Variants in ADGRG2 observed in about 807,000 individuals in gnomAD.
The protein encoded by ADGRG2 is adhesion G protein-coupled receptor G2, also known as G protein-coupled receptor 64.
ADGRG2 carries 26 observed loss-of-function variants against 74.1 expected under a neutral mutation model. The ratio of observed to expected loss-of-function variants is 0.35; its 90% CI spans 0.26 to 0.49. The LOEUF (loss-of-function observed/expected upper bound fraction) is 0.49. ADGRG2 is among the 20% of genes least tolerant of loss of function. The probability of loss-of-function intolerance (pLI) is 0.99; values close to 1 mark genes in which losing one functional copy is unlikely to be tolerated. For missense variants in ADGRG2, 619 were observed against 763.1 expected (o/e 0.81, Z 2.22); for synonymous variants, 296 against 295.2 (o/e 1.00, Z -0.03).
At chrX:19,114,218 T>C (rs1466979001) in intron 1 of ADGRG2, among the ~76,000 whole-genome samples, 1 of 110,259 alleles carries the variant, frequency 9.1e-6, no homozygotes, top group Non-Finnish European at 1.9e-5. Context: ...GAACACTTTA[T>C]TTGCACAAAT....
chrX:19,092,229 G>A (rs147134646), intron 1 of ADGRG2, among the ~76,000 whole-genome samples: 3,059 of 111,997 alleles, frequency 0.027, 102 homozygotes, highest in African/African-American at 0.093. Context: ...ATGCTTTCTC[G>A]AAATGCTTTT....
chrX:19,059,634 T>C (rs1182291924), intron 3 of ADGRG2, among the ~76,000 whole-genome samples: 1 of 108,004 alleles, frequency 9.3e-6, no homozygotes, highest in Non-Finnish European at 1.9e-5. Flanking sequence ...TATGTAGTAG[T>C]ACTAAAGAAT....
intron 9 of ADGRG2, among the ~76,000 whole-genome samples, chrX:19,028,911 C>A (rs1331084578): frequency 8.9e-6 from 1 of 111,936 alleles, no homozygotes; most frequent in African/African-American, 3.2e-5. Context: ...ATGATCTATG[C>A]TGTAACTACC....
In ADGRG2 at chrX:19,006,039, C is replaced by T; in HGVS notation, c.1802G>A (p.Cys601Tyr). Residue 601 changes from cysteine to tyrosine, a missense_variant, in exon 22 of 29, where the codon TGT (cysteine) becomes TAT (tyrosine). By Grantham distance (194) the Cys-to-Tyr change is radical. Around this residue, in one of 3 missense-constraint regions of ADGRG2, gnomAD observed 221 missense variants for 340.6 expected, o/e 0.65. Transcript: ENST00000379869. ...GAAGCTTGTTAGATGGCTACAGGTA[C>T]AGATGGTTTCATTCAATCTCCTGTC... Reference protein sequence around the residue: ...VKDRRLNETICTCSHLTSFGV... With the variant: ...VKDRRLNETIYTCSHLTSFGV... 8.3e-7 allele frequency: 1 copy of T among 1,207,550 alleles called. No individual in the cohort carries two copies. The highest frequency in any genetic ancestry group is 1.1e-6 in the Non-Finnish European group (1 of 891,888).
intron 6 of ADGRG2, 39 bp downstream of exon 6, chrX:19,037,428 A>C: frequency 1.1e-5 from 11 of 973,872 alleles, no homozygotes; most frequent in Non-Finnish European, 1.6e-5. Flanking sequence ...ATTCATATTA[A>C]GGGTTATCAA....
intron 3 of ADGRG2, among the ~76,000 whole-genome samples, chrX:19,063,772 G>T (rs1286207299): frequency 8.9e-6 from 1 of 112,022 alleles, no homozygotes; most frequent in African/African-American, 3.2e-5. Flanking sequence ...GCACTGGGGA[G>T]GGGGATTTAA....
chrX:19,091,849 G>A (rs764635971), intron 1 of ADGRG2, among the ~76,000 whole-genome samples: 11 of 112,490 alleles, frequency 9.8e-5, no homozygotes, highest in South Asian at 3.6e-4. Context: ...CTCTACCAAC[G>A]AGGAAGTAAT....
At position 19,018,318 on chromosome X, in the gene ADGRG2, A is replaced by G. The variant is rs1358688791; in HGVS notation, c.710+1281T>C. On this transcript the variant is annotated intron_variant, in intron 15 of 28. Coordinates refer to ENST00000379869, the MANE Select transcript of ADGRG2 (RefSeq NM_001079858.3). ...GTTTTTTTTTAATTTTTTAGTAGAAATGAGATCTCACCCAGGCTGATCTTG... is the reference window on the plus strand; with the variant it reads ...GTTTTTTTTTAATTTTTTAGTAGAAGTGAGATCTCACCCAGGCTGATCTTG... Among the ~76,000 whole-genome samples the G allele has an allele frequency of 4.6e-5, 5 of 108,489 alleles. No homozygotes were observed. In the South Asian group the frequency reaches 2.0e-3, roughly 44 times the overall value. 94.2% of individuals were successfully genotyped at this position (108,489 alleles called of 115,157 possible). A position where few individuals can be genotyped will look rare whatever the true frequency, so the allele number is the denominator to read the frequency against.
intron 1 of ADGRG2, among the ~76,000 whole-genome samples, chrX:19,090,939 CA>C (rs1356849360): frequency 9.0e-6 from 1 of 111,150 alleles, no homozygotes; most frequent in African/African-American, 3.3e-5. Context: ...TGGGTGAAGA[CA>C]GGGGGATCTG....
chrX:19,069,630 G>C (rs1469919202), intron 2 of ADGRG2, among the ~76,000 whole-genome samples: 1 of 111,341 alleles, frequency 9.0e-6, no homozygotes, highest in East Asian at 2.8e-4. Context: ...GAGTGGCAGA[G>C]GAGAGAAGAG....
chrX:18,994,441 G>T (rs2059979722), intron 28 of ADGRG2, among the ~76,000 whole-genome samples: 1 of 110,178 alleles, frequency 9.1e-6, no homozygotes, highest in Non-Finnish European at 1.9e-5. Flanking sequence ...AGGTTGCAGT[G>T]AGCTGAGATT....
At chrX:19,035,672 TG>T (rs2060923158) in intron 7 of ADGRG2, 9 of 218,090 alleles carry the variant, frequency 4.1e-5, no homozygotes, top group Admixed American at 1.4e-4. Flanking sequence ...TCCATCTTTA[TG>T]AGCTAATATG....
chrX:19,108,123 A>G (rs2062346560), intron 1 of ADGRG2, among the ~76,000 whole-genome samples: 1 of 108,406 alleles, frequency 9.2e-6, no homozygotes, highest in African/African-American at 3.4e-5. Context: ...AAAAAAAAAG[A>G]AAAAAGAAAA....
intron 1 of ADGRG2, among the ~76,000 whole-genome samples, chrX:19,102,505 G>A (rs1039323573): frequency 1.8e-5 from 2 of 109,449 alleles, no homozygotes; most frequent in African/African-American, 6.7e-5. Context: ...CTCGCATGGA[G>A]GCCCATCGAC....
intron 8 of ADGRG2, 66 bp downstream of exon 8, chrX:19,033,547 C>T (rs1217473781): frequency 1.8e-6 from 1 of 543,030 alleles, no homozygotes; most frequent in African/African-American, 2.4e-5. Flanking sequence ...TTATAAACAC[C>T]AGCCATTTGT....
At chrX:19,000,848 C>T (rs1020184000) in intron 24 of ADGRG2, among the ~76,000 whole-genome samples, 3 of 106,019 alleles carry the variant, frequency 2.8e-5, no homozygotes, top group Admixed American at 2.0e-4. Context: ...GATTCTTGTG[C>T]CTCAGCCTCC....
rs745532872 is a variant in ADGRG2 at position 18,999,695 on chromosome X, C to T, written c.2330+166G>A. Among the ~76,000 whole-genome samples the T allele has an allele frequency of 5.4e-5, 6 of 112,096 alleles. No homozygotes were observed. The South Asian group carries it at 2.2e-3, about 41-fold the overall frequency. On this transcript the variant is annotated intron_variant, in intron 25 of 28. Coordinates refer to ENST00000379869, the MANE Select transcript of ADGRG2 (RefSeq NM_001079858.3). ...TCACTTGAAGAGTAGCATGGCATTT[C>T]CAGCTAGCTTCTCTCATTACATATG...
At chrX:19,109,412 C>A (rs1166126021) in intron 1 of ADGRG2, among the ~76,000 whole-genome samples, 1 of 111,764 alleles carries the variant, frequency 8.9e-6, no homozygotes, top group African/African-American at 3.3e-5. Flanking sequence ...ACTACAAGAG[C>A]TTTCCCAAAA....
At chrX:19,068,938 G>A in intron 2 of ADGRG2, 103 bp from the exon 3 acceptor site, 1 of 403,830 alleles carries the variant, frequency 2.5e-6, no homozygotes. Context: ...GTGATCCTGT[G>A]CACTTCAAAT....
Sources: allele counts gnomAD v4.1 joint callset (sites outside exome capture counted in the v4.1 genomes callset), GRCh38; gene constraint gnomAD v4.1.1; regional missense constraint gnomAD v4.1.1; transcripts MANE v1.5; gene names NCBI Gene and HGNC (gene_info 2026-07-23, HGNC 2026-07-21).